Variants in COL4A2 observed in about 807,000 individuals in gnomAD.
COL4A2 encodes collagen type IV alpha 2 chain.
COL4A2 carries 99 observed loss-of-function variants against 200.2 expected under a neutral mutation model. The observed-to-expected ratio is 0.49, with a 90% CI of 0.42 to 0.58. The LOEUF is 0.58. Among genes scored for constraint, COL4A2 ranks in the 20% least tolerant of loss-of-function variants. The probability of loss-of-function intolerance (pLI) is 0.00; values close to 1 mark genes in which losing one functional copy is unlikely to be tolerated. For missense variants in COL4A2, 1,950 were observed against 2,314.1 expected, an observed-to-expected ratio of 0.84 and a Z score of 3.23; for synonymous variants, 897 against 900.6, an observed-to-expected ratio of 1.00 and a Z score of 0.07.
chr13:110,432,283 G>C, intron 10 of COL4A2, 42 bp from the exon 11 acceptor site: 1 of 1,586,654 alleles, frequency 6.3e-7, no homozygotes, highest in Non-Finnish European at 8.6e-7. Context: ...CTGGGTCCTG[G>C]GGTAAAGAAA....
chr13:110,509,530 A>G, intron 47 of COL4A2, among the ~76,000 whole-genome samples: 1 of 152,016 alleles, frequency 6.6e-6, no homozygotes. Context: ...CTTTTGTTTC[A>G]CAGTGACCTT....
At chr13:110,381,815 A>G (rs1468432448) in intron 4 of COL4A2, among the ~76,000 whole-genome samples, 2 of 152,142 alleles carry the variant, frequency 1.3e-5, no homozygotes, top group Non-Finnish European at 2.9e-5. Flanking sequence ...TCATCTTCAT[A>G]TCATCGTTAT....
chr13:110,318,326 T>TG (rs112270785), intron 3 of COL4A2, among the ~76,000 whole-genome samples: 17,824 of 152,034 alleles, frequency 0.12, 1,827 homozygotes, highest in East Asian at 0.38. Context: ...GCGGGTATGG[T>TG]TTGGGTTGTC....
intron 4 of COL4A2, among the ~76,000 whole-genome samples, chr13:110,366,467 G>C (rs1877757060): frequency 6.6e-6 from 1 of 152,138 alleles, no homozygotes; most frequent in Non-Finnish European, 1.5e-5. Context: ...CAATAATAAA[G>C]AGAAAACTAC....
chr13:110,414,677 T>C (rs763627570), intron 4 of COL4A2, among the ~76,000 whole-genome samples: 1 of 152,204 alleles, frequency 6.6e-6, no homozygotes, highest in Admixed American at 6.5e-5. Context: ...CAGTTACCAA[T>C]GGCAAAAAGC....
chr13:110,507,993 T>C lies in COL4A2; in HGVS notation c.4653T>C (p.Pro1551=), dbSNP rs748405164. 2.2e-5 allele frequency: 35 copies of C among 1,614,066 alleles called. No individual in the cohort carries two copies. Among genetic ancestry groups the C allele is most frequent in the South Asian group, 2.0e-4 (18 of 91,088 alleles). ...CCATGCCCTTCCTGTACTGCAACCC[T>C]GGTGATGTCTGCTACTATGCCAGCC... ...FSTMPFLYCN[P]GDVCYYASRN... Residue 1551 remains proline, a synonymous_variant, in exon 47 of 48, where the codon CCT becomes CCC. Transcript: ENST00000360467.
chr13:110,329,540 T>C (rs907629476), intron 3 of COL4A2, among the ~76,000 whole-genome samples: 4 of 152,190 alleles, frequency 2.6e-5, no homozygotes, highest in African/African-American at 9.7e-5. Flanking sequence ...TTCATAGGTG[T>C]TATCTCACTT....
intron 33 of COL4A2, among the ~76,000 whole-genome samples, 172 bp from the exon 34 acceptor site, chr13:110,485,483 A>ACT (rs1460679618): frequency 1.5e-5 from 2 of 135,706 alleles, no homozygotes; most frequent in Non-Finnish European, 3.0e-5. Flanking sequence ...AGATTGCGCC[A>ACT]CTGCACTCCA....
chr13:110,472,159 A>AGGCT (rs751386179), intron 28 of COL4A2, among the ~76,000 whole-genome samples: 1 of 53,348 alleles, frequency 1.9e-5, no homozygotes, highest in Non-Finnish European at 5.1e-5. Context: ...TCTGTCGCCC[A>AGGCT]GGCTGGAGTG....
Position 110,457,722 on chromosome 13 carries a change from G to A in COL4A2, c.1432+287G>A, listed in dbSNP as rs189880291. The stretch of plus-strand genomic sequence containing the variant: ...TGAGCCTGATGCTGAGTCCTGTGCT[G>A]GGTTAAAAGGGAAAACAGTTATTTC... On this transcript the variant is annotated intron_variant, in intron 21 of 47. Transcript: ENST00000360467. The A allele has an allele frequency of 1.5e-3, 887 of 575,430 alleles. 1 individual carries two copies. The highest frequency in any genetic ancestry group is 2.6e-3 in the Non-Finnish European group (754 of 294,830). 35.6% of individuals were successfully genotyped at this position (575,430 alleles called of 1,614,324 possible). A position where few individuals can be genotyped will look rare whatever the true frequency, so the allele number is the denominator to read the frequency against.
At chr13:110,310,000 C>CA (rs1430765428) in intron 3 of COL4A2, among the ~76,000 whole-genome samples, 1 of 151,884 alleles carries the variant, frequency 6.6e-6, no homozygotes, top group Non-Finnish European at 1.5e-5. Flanking sequence ...AAAAACAAAA[C>CA]AAACAAACAA....
At chr13:110,500,500 G>C (rs920247154) in intron 40 of COL4A2, among the ~76,000 whole-genome samples, 1 of 152,216 alleles carries the variant, frequency 6.6e-6, no homozygotes, top group Non-Finnish European at 1.5e-5. Context: ...ACAGCACAGG[G>C]AGGAGTGGAA....
chr13:110,357,122 C>G (rs955973507), intron 3 of COL4A2, among the ~76,000 whole-genome samples: 1 of 152,056 alleles, frequency 6.6e-6, no homozygotes, highest in Admixed American at 6.5e-5. Flanking sequence ...AGGGTGAACC[C>G]TGGTCTCAAC....
chr13:110,367,199 T>C (rs900939643), intron 4 of COL4A2, among the ~76,000 whole-genome samples: 1 of 152,250 alleles, frequency 6.6e-6, no homozygotes, highest in Non-Finnish European at 1.5e-5. Context: ...AAAGTTTTTG[T>C]ATCTAAAACA....
chr13:110,363,916 G>T (rs1374033767), intron 4 of COL4A2, among the ~76,000 whole-genome samples: 1 of 152,170 alleles, frequency 6.6e-6, no homozygotes, highest in Non-Finnish European at 1.5e-5. Flanking sequence ...GGCCAGGCTG[G>T]TCTCGAACTT....
chr13:110,370,308 G>C (rs1877946504), intron 4 of COL4A2, among the ~76,000 whole-genome samples: 1 of 151,932 alleles, frequency 6.6e-6, no homozygotes, highest in African/African-American at 2.4e-5. Flanking sequence ...CTGTCTCCCA[G>C]GCTGGAGTGC....
intron 40 of COL4A2, 112 bp from the exon 41 acceptor site, chr13:110,501,556 G>T (rs1335769795): frequency 1.0e-6 from 1 of 980,838 alleles, no homozygotes; most frequent in African/African-American, 1.6e-5. Flanking sequence ...TCCCATCACT[G>T]TCTCGCTCGC....
chr13:110,318,961 C>A (rs140402088), intron 3 of COL4A2, among the ~76,000 whole-genome samples: 1 of 152,010 alleles, frequency 6.6e-6, no homozygotes, highest in African/African-American at 2.4e-5. Context: ...GCAGGATTCT[C>A]GGTTCTGCAG....
chr13:110,343,078 T>G (rs1566483250), intron 3 of COL4A2, among the ~76,000 whole-genome samples: 1 of 152,148 alleles, frequency 6.6e-6, no homozygotes, highest in African/African-American at 2.4e-5. Flanking sequence ...CGTCCAAAAC[T>G]TGGTCTAACC....
Sources: gnomAD v4.1 joint callset for allele counts (sites outside exome capture counted in the v4.1 genomes callset) on GRCh38, gnomAD v4.1.1 for gene constraint, MANE v1.5 for transcripts, NCBI Gene and HGNC (gene_info 2026-07-23, HGNC 2026-07-21) for gene names.